UTRN: variants seen among roughly 807,000 people sequenced by gnomAD.
The protein encoded by UTRN is utrophin.
UTRN carries 283 observed loss-of-function variants against 463.9 expected under a neutral mutation model. That is an observed-to-expected ratio of 0.61 (90% confidence interval 0.55 to 0.67). The LOEUF (loss-of-function observed/expected upper bound fraction) is 0.67. UTRN is among the 30% of genes least tolerant of loss of function. The pLI is 0.00. For synonymous variants in UTRN, 1,442 were observed against 1,431.5 expected (o/e 1.01, Z -0.17); for missense variants, 3,922 against 4,084.3 (o/e 0.96, Z 1.08).
chr6:144,618,667 T>C (rs1775028987), intron 51 of UTRN, among the ~76,000 whole-genome samples: 1 of 152,158 alleles, frequency 6.6e-6, no homozygotes, highest in African/African-American at 2.4e-5. Context: ...TTGACAGATA[T>C]TTATTTTTGT....
intron 2 of UTRN, among the ~76,000 whole-genome samples, chr6:144,376,410 A>T (rs1308158896): frequency 6.6e-6 from 1 of 151,496 alleles, no homozygotes; most frequent in Non-Finnish European, 1.5e-5. Flanking sequence ...AACTGAGATC[A>T]TGCCACTGCA....
intron 2 of UTRN, among the ~76,000 whole-genome samples, chr6:144,377,193 A>C (rs1274309819): frequency 1.3e-5 from 2 of 152,014 alleles, no homozygotes; most frequent in East Asian, 1.9e-4. Flanking sequence ...GTGCACCACC[A>C]CACCTGGCTA....
At chr6:144,813,625 C>A (rs1778822891) in intron 65 of UTRN, among the ~76,000 whole-genome samples, 1 of 152,164 alleles carries the variant, frequency 6.6e-6, no homozygotes, top group East Asian at 1.9e-4. Context: ...AACTAGATGA[C>A]AAGAGAGATC....
chr6:144,482,247 G>A lies in UTRN; in HGVS notation c.3546G>A (p.Val1182=). The A allele has an allele frequency of 6.3e-7, 1 of 1,594,546 alleles. No individual in the cohort carries two copies. Among genetic ancestry groups the A allele is most frequent in the Non-Finnish European group, 8.5e-7 (1 of 1,171,678 alleles). The stretch of plus-strand genomic sequence containing the variant: ...ATGTGTTGCAGAAGGAGGTGAGAGT[G>A]AAGATTCTCAAGGACAACATCAAGT... The part of the protein sequence containing the change: ...KEDVLQKEVR[V]KILKDNIKLL... The change falls in exon 27 of 75, where the codon GTG becomes GTA. Residue 1182 remains valine, a synonymous_variant. Transcript: ENST00000367545.
intron 3 of UTRN, among the ~76,000 whole-genome samples, chr6:144,420,475 A>C (rs1784736254): frequency 6.6e-6 from 1 of 152,182 alleles, no homozygotes; most frequent in African/African-American, 2.4e-5. Flanking sequence ...ATAATAATTC[A>C]TTGTATCACA....
chr6:144,557,137 G>A lies in UTRN; in HGVS notation c.7135-20G>A. The stretch of plus-strand genomic sequence containing the variant: ...ACTGAGTGACCAAGTCTAACAAACA[G>A]ACCTGCACTTGCACCTCAGATACTG... On this transcript the variant is annotated intron_variant, in intron 49 of 74. Transcript: ENST00000367545. 1 of 1,611,006 alleles carries A rather than the reference G, an allele frequency of 6.2e-7. No individual in the cohort carries two copies. The highest frequency in any genetic ancestry group is 1.1e-5 in the South Asian group (1 of 90,540).
At position 144,836,379 on chromosome 6, in the gene UTRN, G is replaced by A. The variant is rs775973287; in HGVS notation, c.9903G>A (p.Ser3301=). 34 of 1,613,970 alleles carry A rather than the reference G, an allele frequency of 2.1e-5. 1 individual carries two copies. The highest frequency in any genetic ancestry group is 2.5e-5 in the Non-Finnish European group (30 of 1,179,998). The part of the protein sequence containing the change: ...RGLPVGSPPE[S]IISPHHTSED... ...TCCCTGTCGGTTCACCGCCAGAGTC[G>A]ATTATATCTCCCCATCACACGTCTG... Residue 3301 remains serine, a synonymous_variant, in exon 71 of 75, where the codon TCG becomes TCA. Transcript: ENST00000367545.
rs553388161 is a variant in UTRN, at chr6:144,836,053, A to G, written c.9824+115A>G. ...TTGTCTAAGAAATCTCAGTGGAGTG[A>G]AAATTTTAGAGGCTATTAACAAACT... On this transcript the variant is annotated intron_variant, in intron 70 of 74. Transcript: ENST00000367545. The G allele has an allele frequency of 1.6e-5, 24 of 1,483,190 alleles. No homozygotes were observed. The African/African-American group carries it at 3.4e-4, about 21-fold the overall frequency. 91.9% of individuals were successfully genotyped at this position (1,483,190 alleles called of 1,614,324 possible).
rs879164358 is a variant in UTRN, at chr6:144,577,036, C to T, written c.7290-63C>T. ...CTGTTAGTTTTTTATTTAGGGGATGCGTGATGTGGAATGTCACAACACTGT... is the reference window on the plus strand; with the variant it reads ...CTGTTAGTTTTTTATTTAGGGGATGTGTGATGTGGAATGTCACAACACTGT... On this transcript the variant is annotated intron_variant, in intron 50 of 74. Transcript: ENST00000367545. 47 of 1,502,298 alleles carry T rather than the reference C, an allele frequency of 3.1e-5. No individual in the cohort carries two copies. In the East Asian group the frequency reaches 3.5e-4, roughly 11 times the overall value. The allele number at this position is 1,502,298 out of a possible 1,614,324, so 93.1% of individuals were successfully genotyped here.
intron 51 of UTRN, among the ~76,000 whole-genome samples, chr6:144,653,252 G>A (rs1313616190): frequency 2.6e-5 from 4 of 151,986 alleles, no homozygotes; most frequent in South Asian, 4.1e-4. Context: ...GGATATGTAC[G>A]TGCATACATA....
At chr6:144,819,904 TCCTC>T (rs1562948950) in intron 65 of UTRN, among the ~76,000 whole-genome samples, 13 of 121,894 alleles carry the variant, frequency 1.1e-4, no homozygotes, top group East Asian at 8.0e-4. Context: ...CTCCTCCTCC[TCCTC>T]CTCCTCTCTC....
At chr6:144,745,243 A>C (rs61280109) in intron 54 of UTRN, among the ~76,000 whole-genome samples, 39 of 151,822 alleles carry the variant, frequency 2.6e-4, no homozygotes, top group African/African-American at 9.2e-4. Context: ...AAATGAGAGT[A>C]CTTTTTTTTT....
Position 144,851,951 on chromosome 6 carries a change from G to A in UTRN, c.*954G>A, listed in dbSNP as rs1306159799. ...CATGTCTTGATTTTCATCATTACAT[G>A]CACAGCAGACCTTTACCTATTGTGA... On this transcript the variant is annotated 3_prime_UTR_variant, in exon 75 of 75. Coordinates refer to ENST00000367545, the MANE Select transcript of UTRN (RefSeq NM_007124.3). 1 of 152,038 alleles carries A rather than the reference G, an allele frequency of 6.6e-6. No individual in the cohort carries two copies. Among genetic ancestry groups the A allele is most frequent in the Non-Finnish European group, 1.5e-5 (1 of 67,982 alleles). 9.4% of individuals were successfully genotyped at this position (152,038 alleles called of 1,614,324 possible).
chr6:144,803,565 C>G (rs1280108002), intron 65 of UTRN, among the ~76,000 whole-genome samples: 1 of 151,932 alleles, frequency 6.6e-6, no homozygotes, highest in Non-Finnish European at 1.5e-5. Context: ...TTTTCCATAT[C>G]TCTGGTTTTA....
At chr6:144,322,988 G>T (rs1775761929) in intron 2 of UTRN, among the ~76,000 whole-genome samples, 1 of 151,764 alleles carries the variant, frequency 6.6e-6, no homozygotes, top group Non-Finnish European at 1.5e-5. Flanking sequence ...GGAAGTCACT[G>T]TCTTAAGCAG....
chr6:144,423,906 G>A (rs1785072562), intron 5 of UTRN, 80 bp from the exon 6 acceptor site: 1 of 1,412,438 alleles, frequency 7.1e-7, no homozygotes, highest in Non-Finnish European at 9.9e-7. Context: ...GTCCAAATGT[G>A]CTAAAATAAA....
At chr6:144,712,631 G>A (rs73781925) in intron 53 of UTRN, among the ~76,000 whole-genome samples, 3 of 152,308 alleles carry the variant, frequency 2.0e-5, no homozygotes, top group South Asian at 4.1e-4. Flanking sequence ...GCATGAGTTT[G>A]TAAGACTATT....
intron 50 of UTRN, among the ~76,000 whole-genome samples, chr6:144,561,330 G>GT (rs911706073): frequency 6.9e-6 from 1 of 145,256 alleles, no homozygotes; most frequent in African/African-American, 2.5e-5. Context: ...ATATGTGTGT[G>GT]TTTATACACA....
At chr6:144,298,695 G>A (rs978640668) in intron 2 of UTRN, among the ~76,000 whole-genome samples, 8 of 152,132 alleles carry the variant, frequency 5.3e-5, no homozygotes, top group African/African-American at 1.9e-4. Flanking sequence ...GTATGTGGAC[G>A]GGTGGCTAGT....
Sources: allele counts gnomAD v4.1 joint callset (sites outside exome capture counted in the v4.1 genomes callset), GRCh38; gene constraint gnomAD v4.1.1; transcripts MANE v1.5; gene names NCBI Gene and HGNC (gene_info 2026-07-23, HGNC 2026-07-21).